Variants in NKAIN3 observed in about 807,000 individuals in gnomAD.
NKAIN3 encodes sodium/potassium-transporting ATPase subunit beta-1-interacting protein 3.
Under a neutral mutation model 30.2 loss-of-function variants are expected in NKAIN3, and 25 were observed. The observed-to-expected ratio is 0.83, with a 90% CI of 0.60 to 1.16. The LOEUF is 1.16. NKAIN3 is among the 50% of genes most tolerant of loss of function. The probability of loss-of-function intolerance (pLI) is 0.00; values close to 1 mark genes in which losing one functional copy is unlikely to be tolerated. For synonymous variants in NKAIN3, 91 were observed against 89.6 expected (o/e 1.02, Z -0.09); for missense variants, 225 against 254.1 (o/e 0.89, Z 0.78).
intron 1 of NKAIN3, among the ~76,000 whole-genome samples, chr8:62,300,621 G>T (rs1814013311): frequency 6.6e-6 from 1 of 152,022 alleles, no homozygotes; most frequent in Admixed American, 6.6e-5. Context: ...ATCTTATTTG[G>T]CCAAAATAAT....
At chr8:62,313,156 C>T (rs1319022169) in intron 1 of NKAIN3, among the ~76,000 whole-genome samples, 1 of 151,914 alleles carries the variant, frequency 6.6e-6, no homozygotes, top group African/African-American at 2.4e-5. Context: ...TTCTTTTTTT[C>T]TCTGTCTCTA....
At chr8:62,289,646 G>C (rs6982024) in intron 1 of NKAIN3, among the ~76,000 whole-genome samples, 5,388 of 151,978 alleles carry the variant, frequency 0.035, 339 homozygotes, top group African/African-American at 0.12. Context: ...GTTACTGTAG[G>C]CTTGTAGTAT....
chr8:62,433,629 G>A (rs144114990), intron 1 of NKAIN3, among the ~76,000 whole-genome samples: 197 of 152,168 alleles, frequency 1.3e-3, no homozygotes, highest in African/African-American at 4.6e-3. Context: ...AGCAAGTTCT[G>A]TGTCCAGATT....
chr8:62,495,509 T>C (rs1259538876), intron 1 of NKAIN3, among the ~76,000 whole-genome samples: 1 of 150,594 alleles, frequency 6.6e-6, no homozygotes, highest in Non-Finnish European at 1.5e-5. Flanking sequence ...AATACAAAAG[T>C]AGACCTGCTG....
At position 62,763,259 on chromosome 8, in the gene NKAIN3, A is replaced by AAAAAAAAAAAAAAAAAAC. The variant is rs1563551311; in HGVS notation, c.471+16132_471+16133insAAAAAAAAAAAAAAACAA. On this transcript the variant is annotated intron_variant, in intron 4 of 6. Coordinates refer to ENST00000623646, the MANE Select transcript of NKAIN3 (RefSeq NM_001304533.3). ...AAAAAAAAAAAAAAAAAAAAAAAAA[A>AAAAAAAAAAAAAAAAAAC]AACTTATATAGTCAGCCTAAAAAGA... Among the ~76,000 whole-genome samples the AAAAAAAAAAAAAAAAAAC allele has an allele frequency of 2.1e-5, 3 of 140,380 alleles. 1 individual carries two copies. The highest frequency in any genetic ancestry group is 8.3e-5 in the African/African-American group (3 of 36,094). 92.1% of individuals were successfully genotyped at this position (140,380 alleles called of 152,430 possible).
intron 1 of NKAIN3, among the ~76,000 whole-genome samples, chr8:62,364,242 G>A (rs1260271213): frequency 2.0e-5 from 3 of 152,156 alleles, no homozygotes; most frequent in Non-Finnish European, 4.4e-5. Flanking sequence ...TATATTAATT[G>A]GCTCAAGCCT....
At chr8:62,701,631 T>C (rs186557707) in intron 3 of NKAIN3, among the ~76,000 whole-genome samples, 6 of 152,220 alleles carry the variant, frequency 3.9e-5, no homozygotes, top group Middle Eastern at 3.4e-3. Context: ...GAATTATATG[T>C]GGAAAAAAAT....
intron 1 of NKAIN3, among the ~76,000 whole-genome samples, chr8:62,300,887 C>T (rs1399304055): frequency 6.6e-6 from 1 of 151,986 alleles, no homozygotes; most frequent in Non-Finnish European, 1.5e-5. Context: ...CTTCGAATCT[C>T]CTTTAATGTA....
chr8:62,355,706 T>C (rs991200797), intron 1 of NKAIN3, among the ~76,000 whole-genome samples: 3 of 152,184 alleles, frequency 2.0e-5, no homozygotes, highest in Non-Finnish European at 2.9e-5. Flanking sequence ...GTTAGTGAAA[T>C]TGCTCTTTCT....
chr8:62,504,658 A>G (rs1046460465), intron 1 of NKAIN3, among the ~76,000 whole-genome samples: 3 of 152,158 alleles, frequency 2.0e-5, no homozygotes, highest in African/African-American at 7.2e-5. Flanking sequence ...TTATTTCATT[A>G]TCAGAGTTTT....
At chr8:62,832,494 A>G (rs192679992) in intron 4 of NKAIN3, among the ~76,000 whole-genome samples, 1 of 150,890 alleles carries the variant, frequency 6.6e-6, no homozygotes, top group Non-Finnish European at 1.5e-5. Context: ...TGTCTGCTAT[A>G]TTCAAGAGAC....
At chr8:62,861,849 A>G (rs1820249142) in intron 4 of NKAIN3, among the ~76,000 whole-genome samples, 1 of 152,238 alleles carries the variant, frequency 6.6e-6, no homozygotes, top group Admixed American at 6.5e-5. Context: ...AAATAAAATC[A>G]TTACCTAAAA....
In NKAIN3 at chr8:62,742,923, A is replaced by G. The variant is rs80171284; in HGVS notation, c.274-4009A>G. On this transcript the variant is annotated intron_variant, in intron 3 of 6. Transcript: ENST00000623646. ...AGGGGAAGCAAGCTCATCCTTCTTCACAGGAGAGAGAAGAATGAGAACCAA... is the reference window on the plus strand; with the variant it reads ...AGGGGAAGCAAGCTCATCCTTCTTCGCAGGAGAGAGAAGAATGAGAACCAA... 2.8e-3 allele frequency among the ~76,000 whole-genome samples: 434 copies of G among 152,282 alleles called. 1 individual carries two copies. Among genetic ancestry groups the G allele is most frequent in the African/African-American group, 0.01 (417 of 41,564 alleles).
intron 1 of NKAIN3, among the ~76,000 whole-genome samples, chr8:62,431,144 G>C (rs1403930997): frequency 6.6e-6 from 1 of 151,834 alleles, no homozygotes; most frequent in Non-Finnish European, 1.5e-5. Context: ...TTAGGTAAAT[G>C]ATTTTTGTCA....
At chr8:62,334,450 C>G (rs1426836614) in intron 1 of NKAIN3, among the ~76,000 whole-genome samples, 1 of 152,032 alleles carries the variant, frequency 6.6e-6, no homozygotes, top group African/African-American at 2.4e-5. Flanking sequence ...ATAAGGACAC[C>G]AGTCCTTGCA....
chr8:62,638,096 A>G (rs1347504125), intron 3 of NKAIN3, among the ~76,000 whole-genome samples: 1 of 152,138 alleles, frequency 6.6e-6, no homozygotes, highest in Non-Finnish European at 1.5e-5. Flanking sequence ...ACTTCCTCCA[A>G]CTATGAGTGT....
chr8:62,603,218 G>A (rs1811033679), intron 3 of NKAIN3, among the ~76,000 whole-genome samples: 1 of 152,096 alleles, frequency 6.6e-6, no homozygotes, highest in South Asian at 2.1e-4. Context: ...TCAATTAAGA[G>A]TACAGTCTTG....
chr8:62,260,758 C>T (rs1020029335), intron 1 of NKAIN3, among the ~76,000 whole-genome samples: 3 of 152,140 alleles, frequency 2.0e-5, no homozygotes, highest in African/African-American at 7.2e-5. Context: ...CTTTATTAAA[C>T]ATTAACTATA....
At chr8:62,739,685 C>A (rs566945760) in intron 3 of NKAIN3, among the ~76,000 whole-genome samples, 1 of 152,224 alleles carries the variant, frequency 6.6e-6, no homozygotes, top group African/African-American at 2.4e-5. Flanking sequence ...GTGATCGTAT[C>A]TAAGGAAGTA....
Sources: gnomAD v4.1 joint callset for allele counts (sites outside exome capture counted in the v4.1 genomes callset) on GRCh38, gnomAD v4.1.1 for gene constraint, MANE v1.5 for transcripts, NCBI Gene and HGNC (gene_info 2026-07-23, HGNC 2026-07-21) for gene names.